Variants in TANC1 observed in about 807,000 individuals in gnomAD.
TANC1 encodes protein TANC1.
In TANC1, 77 loss-of-function variants were observed where a neutral mutation model predicts 149.7. That is an observed-to-expected ratio of 0.51 (90% CI 0.43 to 0.62). TANC1 has a LOEUF of 0.62. Ranked by LOEUF, TANC1 falls within the 20% of genes least tolerant of loss-of-function variation. The pLI, the probability that TANC1 is intolerant of heterozygous loss-of-function variation, is 0.00. For missense variants in TANC1, 1,985 were observed against 2,321.8 expected (o/e 0.85, Z 2.98); for synonymous variants, 854 against 925.0 (o/e 0.92, Z 1.39).
intron 2 of TANC1, among the ~76,000 whole-genome samples, chr2:159,036,132 G>T (rs1326721703): frequency 6.6e-6 from 1 of 152,156 alleles, no homozygotes; most frequent in Non-Finnish European, 1.5e-5. Context: ...CAGCAGCTGG[G>T]AGACGATTCC....
intron 19 of TANC1, among the ~76,000 whole-genome samples, chr2:159,213,232 T>C (rs2059119780): frequency 6.6e-6 from 1 of 152,108 alleles, no homozygotes; most frequent in South Asian, 2.1e-4. Context: ...CATATTCTGG[T>C]CTCTCACAAT....
chr2:159,178,964 G>C lies in TANC1; in HGVS notation c.2311G>C (p.Glu771Gln), dbSNP rs199831325. 6.2e-7 allele frequency: 1 copy of C among 1,614,000 alleles called. No individual in the cohort carries two copies. Among genetic ancestry groups the C allele is most frequent in the Non-Finnish European group, 8.5e-7 (1 of 1,180,042 alleles). Residue 771 changes from glutamate to glutamine, a missense_variant, in exon 14 of 27, where the codon GAG becomes CAG. Glu to Gln is a conservative substitution (Grantham distance 29, BLOSUM62 2). Transcript: ENST00000263635. The stretch of plus-strand genomic sequence containing the variant: ...CGCATCCCTCCACCCCATGACAGAC[G>C]AGCAGATCTTTCAGGCTATTAATGC... ...ALASLHPMTDEQIFQAINAGH... is the reference protein window; with the variant it reads ...ALASLHPMTDQQIFQAINAGH...
At chr2:158,999,876 G>A (rs1559117013) in intron 1 of TANC1, among the ~76,000 whole-genome samples, 1 of 152,206 alleles carries the variant, frequency 6.6e-6, no homozygotes, top group African/African-American at 2.4e-5. Context: ...TCAAAAATTA[G>A]CGAAGTAAAG....
intron 5 of TANC1, among the ~76,000 whole-genome samples, chr2:159,146,154 C>T (rs2052056382): frequency 6.6e-6 from 1 of 152,164 alleles, no homozygotes; most frequent in Non-Finnish European, 1.5e-5. Context: ...AGCAACTCAT[C>T]ACTCCCAAGA....
chr2:158,979,715 T>G (rs842067), intron 1 of TANC1, among the ~76,000 whole-genome samples: 43,247 of 152,032 alleles, frequency 0.28, 6,514 homozygotes, highest in East Asian at 0.49. Context: ...TGAAATATCT[T>G]AAGGTAGTTT....
intron 19 of TANC1, among the ~76,000 whole-genome samples, chr2:159,202,922 G>A (rs1483055298): frequency 6.6e-6 from 1 of 152,176 alleles, no homozygotes; most frequent in East Asian, 1.9e-4. Context: ...AAGCCGAAAT[G>A]ACCAGAGATG....
chr2:159,168,932 C>T (rs915815204), intron 8 of TANC1, among the ~76,000 whole-genome samples: 5 of 152,078 alleles, frequency 3.3e-5, no homozygotes, highest in African/African-American at 9.7e-5. Context: ...AGTACTGAAG[C>T]TTTGCTGTGT....
chr2:159,201,986 G>A (rs1161780515), intron 19 of TANC1, among the ~76,000 whole-genome samples: 1 of 152,226 alleles, frequency 6.6e-6, no homozygotes, highest in Admixed American at 6.5e-5. Flanking sequence ...TGGCGCAGGA[G>A]CTTAAATTCA....
At chr2:158,990,257 G>T (rs1230027308) in intron 1 of TANC1, among the ~76,000 whole-genome samples, 1 of 152,154 alleles carries the variant, frequency 6.6e-6, no homozygotes, top group Non-Finnish European at 1.5e-5. Flanking sequence ...CATTTTACAA[G>T]GTGAGAAATA....
At chr2:159,223,724 C>T (rs13418143) in intron 22 of TANC1, among the ~76,000 whole-genome samples, 13,126 of 152,190 alleles carry the variant, frequency 0.086, 1,192 homozygotes, top group East Asian at 0.23. Context: ...TTTACTCTCC[C>T]AATTTCCTTC....
intron 2 of TANC1, among the ~76,000 whole-genome samples, chr2:159,036,795 T>C (rs1346621449): frequency 1.3e-5 from 2 of 152,246 alleles, no homozygotes; most frequent in Non-Finnish European, 2.9e-5. Flanking sequence ...GTCTTTACTA[T>C]TGTGAATAGT....
At chr2:159,155,459 C>T (rs1238588137) in intron 7 of TANC1, among the ~76,000 whole-genome samples, 33 of 152,174 alleles carry the variant, frequency 2.2e-4, no homozygotes, top group Admixed American at 2.2e-3. Flanking sequence ...AATCGGCCTC[C>T]TTTGGAGAAA....
intron 4 of TANC1, among the ~76,000 whole-genome samples, chr2:159,128,660 A>C (rs1181901641): frequency 2.6e-5 from 4 of 152,178 alleles, no homozygotes; most frequent in Non-Finnish European, 5.9e-5. Flanking sequence ...ACAGGGAGCC[A>C]GCCCATGTTC....
At chr2:159,099,243 A>G (rs925108919) in intron 4 of TANC1, among the ~76,000 whole-genome samples, 4 of 152,164 alleles carry the variant, frequency 2.6e-5, no homozygotes, top group Admixed American at 6.5e-5. Flanking sequence ...TCCTGTGCCA[A>G]GGAATTTGAC....
intron 16 of TANC1, among the ~76,000 whole-genome samples, chr2:159,191,217 G>A (rs2057417135): frequency 6.6e-6 from 1 of 152,146 alleles, no homozygotes; most frequent in Non-Finnish European, 1.5e-5. Flanking sequence ...AATGTAGATG[G>A]CAGTCCCAGC....
intron 19 of TANC1, among the ~76,000 whole-genome samples, chr2:159,200,787 A>C (rs1445733987): frequency 1.3e-5 from 2 of 151,980 alleles, no homozygotes; most frequent in African/African-American, 2.4e-5. Flanking sequence ...CTCGTCAGAG[A>C]CTCCACTGGG....
At position 159,230,722 on chromosome 2, in the gene TANC1, A is replaced by G; in HGVS notation, c.5296A>G (p.Asn1766Asp). The change falls in exon 27 of 27, where the codon AAC (asparagine) becomes GAC (aspartate). Residue 1766 changes from asparagine (N) to aspartate (D), a missense_variant. Coordinates refer to ENST00000263635, the MANE Select transcript of TANC1 (RefSeq NM_033394.3). This position sits in a 1 kb window ranked among gnomAD's most constrained non-coding sequence, Gnocchi z 4.4. The stretch of plus-strand genomic sequence containing the variant: ...TTCTGCAGCTGGCCTGCAGTCTGCT[A>G]ACACTGAGAAGCCCTCTCTCATGCA... ...TSSAAGLQSA[N>D]TEKPSLMQVG... is the part of the protein sequence containing the mutation. 6.2e-7 allele frequency: 1 copy of G among 1,614,214 alleles called. No homozygotes were observed. Among genetic ancestry groups the G allele is most frequent in the Non-Finnish European group, 8.5e-7 (1 of 1,180,040 alleles).
rs983052640 is a variant in TANC1 at position 159,178,586 on chromosome 2, C to G, written c.1933C>G (p.Leu645Val). 14 of 1,593,790 alleles carry G rather than the reference C, an allele frequency of 8.8e-6. No individual in the cohort carries two copies. The highest frequency in any genetic ancestry group is 1.8e-5 in the Admixed American group (1 of 56,634). The change falls in exon 14 of 27, where the codon CTT becomes GTT. Residue 645 changes from leucine (L) to valine (V), a missense_variant. This residue lies in a region of TANC1 where 508 missense variants were observed against 714.2 expected (regional missense o/e 0.71). Transcript: ENST00000263635. The part of the protein sequence containing the change: ...EIISALPFVK[L>V]SLDDFPDNKD... Reference sequence around the variant, plus strand: ...CATAAGTGCGCTGCCATTTGTCAAGCTTTCCTTAGATGACTTCCCAGACAA... The same window carrying G: ...CATAAGTGCGCTGCCATTTGTCAAGGTTTCCTTAGATGACTTCCCAGACAA...
intron 5 of TANC1, among the ~76,000 whole-genome samples, chr2:159,142,644 G>A (rs560800445): frequency 5.3e-5 from 8 of 152,100 alleles, no homozygotes; most frequent in Non-Finnish European, 7.4e-5. Flanking sequence ...AGCTGAACTC[G>A]CTACTTTTAA....
Sources: gnomAD v4.1 joint callset for allele counts (sites outside exome capture counted in the v4.1 genomes callset) on GRCh38, gnomAD v4.1.1 for gene constraint, gnomAD v4.1.1 regional missense constraint, Gnocchi (gnomAD v3.1) non-coding constraint, MANE v1.5 for transcripts, NCBI Gene and HGNC (gene_info 2026-07-23, HGNC 2026-07-21) for gene names.